EGFLAM: variants seen among roughly 807,000 people sequenced by gnomAD.
EGFLAM encodes EGF like, fibronectin type III and laminin G domains.
EGFLAM carries 79 observed loss-of-function variants against 113.1 expected under a neutral mutation model. That is an observed-to-expected ratio of 0.70 (90% confidence interval 0.58 to 0.84). The LOEUF (loss-of-function observed/expected upper bound fraction) is 0.84. Among genes scored for constraint, EGFLAM ranks in the 40% least tolerant of loss-of-function variants. The probability of loss-of-function intolerance (pLI) is 0.00; values close to 1 mark genes in which losing one functional copy is unlikely to be tolerated. For missense variants in EGFLAM, 1,265 were observed against 1,291.6 expected (o/e 0.98, Z 0.32); for synonymous variants, 504 against 487.6 (o/e 1.03, Z -0.44).
intron 1 of EGFLAM, among the ~76,000 whole-genome samples, chr5:38,317,400 T>C (rs1011774064): frequency 8.5e-5 from 13 of 152,138 alleles, no homozygotes; most frequent in African/African-American, 3.1e-4. Flanking sequence ...GCCTTGTGCC[T>C]GGCCTTGGAG....
intron 6 of EGFLAM, among the ~76,000 whole-genome samples, chr5:38,391,487 C>T (rs1007426851): frequency 1.3e-5 from 2 of 151,648 alleles, no homozygotes; most frequent in African/African-American, 2.4e-5. Flanking sequence ...AACCTCAAAC[C>T]TCCTGGGTTC....
intron 6 of EGFLAM, among the ~76,000 whole-genome samples, chr5:38,396,045 T>C (rs1554011177): frequency 8.9e-6 from 1 of 112,646 alleles, no homozygotes; most frequent in African/African-American, 4.1e-5. Flanking sequence ...TGTGTTCACA[T>C]TCACTGTACC....
chr5:38,308,119 C>A (rs1758775752), intron 1 of EGFLAM, among the ~76,000 whole-genome samples: 1 of 152,178 alleles, frequency 6.6e-6, no homozygotes, highest in South Asian at 2.1e-4. Flanking sequence ...CCTCTACGTG[C>A]TTTTTAAATA....
At chr5:38,443,224 C>A (rs1742605058) in intron 17 of EGFLAM, among the ~76,000 whole-genome samples, 1 of 152,206 alleles carries the variant, frequency 6.6e-6, no homozygotes, top group South Asian at 2.1e-4. Context: ...CGAGATCGTG[C>A]CACTGCACTC....
At chr5:38,415,060 A>C (rs1347941940) in intron 11 of EGFLAM, among the ~76,000 whole-genome samples, 3 of 152,174 alleles carry the variant, frequency 2.0e-5, no homozygotes, top group Admixed American at 6.5e-5. Context: ...TATGATTTTA[A>C]TGAATATAAG....
rs61453202 is a variant in EGFLAM, at chr5:38,343,406, C to CA, written c.291+4645dup. ...GGGCAACAAGAGTGAAACTCCATCT[C>CA]AAAAAAAAAAAAAAAAAAAATGAGG... On this transcript the variant is annotated intron_variant, in intron 3 of 21. Transcript: ENST00000322350. Among the ~76,000 whole-genome samples, 550 of 130,864 alleles carry CA rather than the reference C, an allele frequency of 4.2e-3. 5 individuals carry two copies. The highest frequency in any genetic ancestry group is 0.02 in the Admixed American group (264 of 13,306). The allele number at this position is 130,864 out of a possible 152,430, so 85.9% of individuals were successfully genotyped here.
At chr5:38,361,644 G>C (rs937721742) in intron 5 of EGFLAM, among the ~76,000 whole-genome samples, 3 of 152,048 alleles carry the variant, frequency 2.0e-5, no homozygotes, top group Admixed American at 6.5e-5. Context: ...TCACCTCATA[G>C]TGTGTGAAGA....
intron 6 of EGFLAM, among the ~76,000 whole-genome samples, chr5:38,383,613 T>C (rs1740574612): frequency 6.6e-6 from 1 of 152,168 alleles, no homozygotes; most frequent in South Asian, 2.1e-4. Context: ...ACAAGATCAA[T>C]AGTGTCTCCG....
At chr5:38,305,047 G>A (rs1003275322) in intron 1 of EGFLAM, among the ~76,000 whole-genome samples, 2 of 152,036 alleles carry the variant, frequency 1.3e-5, no homozygotes, top group African/African-American at 4.8e-5. Context: ...TGGCAAAAAG[G>A]AGAGAAAAGA....
At chr5:38,341,714 A>G (rs1434644979) in intron 3 of EGFLAM, among the ~76,000 whole-genome samples, 1 of 152,198 alleles carries the variant, frequency 6.6e-6, no homozygotes, top group African/African-American at 2.4e-5. Flanking sequence ...TAAAGATGTG[A>G]GTTATTATAT....
chr5:38,288,346 G>C (rs1326696477), intron 1 of EGFLAM, among the ~76,000 whole-genome samples: 2 of 152,138 alleles, frequency 1.3e-5, no homozygotes, highest in Non-Finnish European at 2.9e-5. Flanking sequence ...AAGAAAGGTG[G>C]TCAGTTTCAA....
intron 1 of EGFLAM, among the ~76,000 whole-genome samples, chr5:38,316,556 A>G (rs989104497): frequency 3.9e-5 from 6 of 152,204 alleles, no homozygotes; most frequent in Non-Finnish European, 7.3e-5. Flanking sequence ...ACTGCTACTG[A>G]CATTAGTGAA....
chr5:38,320,689 C>T (rs115917077), intron 1 of EGFLAM, among the ~76,000 whole-genome samples: 1,724 of 152,070 alleles, frequency 0.011, 36 homozygotes, highest in African/African-American at 0.037. Context: ...TTCCTGCTTG[C>T]CTTCTTAGAT....
At chr5:38,273,090 A>G (rs1757804858) in intron 1 of EGFLAM, among the ~76,000 whole-genome samples, 1 of 152,194 alleles carries the variant, frequency 6.6e-6, no homozygotes, top group Admixed American at 6.5e-5. Context: ...ACAATAAGAA[A>G]AGACACATTG....
At chr5:38,363,595 G>A (rs1329850746) in intron 5 of EGFLAM, among the ~76,000 whole-genome samples, 1 of 152,078 alleles carries the variant, frequency 6.6e-6, no homozygotes, top group African/African-American at 2.4e-5. Flanking sequence ...TTTGAAATTA[G>A]CATAGTTACT....
intron 1 of EGFLAM, among the ~76,000 whole-genome samples, chr5:38,333,926 T>TG: frequency 7.1e-6 from 1 of 140,690 alleles, no homozygotes; most frequent in African/African-American, 2.7e-5. Context: ...GTTTTTTTTT[T>TG]TTTTTTTTTT....
chr5:38,322,290 A>G (rs1254873988), intron 1 of EGFLAM, among the ~76,000 whole-genome samples: 1 of 152,202 alleles, frequency 6.6e-6, no homozygotes, highest in Non-Finnish European at 1.5e-5. Flanking sequence ...AGGACCAGGA[A>G]AAGGGCTCGG....
intron 20 of EGFLAM, among the ~76,000 whole-genome samples, chr5:38,459,545 G>A (rs1051412832): frequency 1.3e-5 from 2 of 152,094 alleles, no homozygotes; most frequent in South Asian, 2.1e-4. Flanking sequence ...TGTCAATCTC[G>A]CAAGTTAGAT....
intron 18 of EGFLAM, among the ~76,000 whole-genome samples, chr5:38,448,929 C>A (rs1742814220): frequency 6.6e-6 from 1 of 152,208 alleles, no homozygotes; most frequent in South Asian, 2.1e-4. Context: ...CTTCTCAGCT[C>A]TCTTCATGTG....
Sources: allele counts gnomAD v4.1 joint callset (sites outside exome capture counted in the v4.1 genomes callset), GRCh38; gene constraint gnomAD v4.1.1; transcripts MANE v1.5; gene names NCBI Gene and HGNC (gene_info 2026-07-23, HGNC 2026-07-21).